Variants in DCC observed in about 807,000 individuals in gnomAD.
The protein encoded by DCC is netrin receptor DCC.
A neutral mutation model predicts 172.5 loss-of-function variants in DCC; 58 were observed. The observed-to-expected ratio is 0.34, with a 90% CI of 0.27 to 0.42. DCC has a LOEUF of 0.42. Among genes scored for constraint, DCC ranks in the 10% least tolerant of loss-of-function variants. DCC has a pLI of 1.00. For missense variants in DCC, 1,740 were observed against 1,791.0 expected, an observed-to-expected ratio of 0.97 and a Z score of 0.51; for synonymous variants, 709 against 644.5, an observed-to-expected ratio of 1.10 and a Z score of -1.52.
rs112765965 is a variant in DCC, at chr18:53,100,387, G to T, written c.1261+34221G>T. ...TAAGATAATAGTTCTAATTAAAGAA[G>T]AATTTTTAGCAACCTCTTAGTTTCA... On this transcript the variant is annotated intron_variant, in intron 7 of 28. Transcript: ENST00000442544. Among the ~76,000 whole-genome samples, 1,194 of 152,126 alleles carry T rather than the reference G, an allele frequency of 7.8e-3. 17 individuals carry two copies. The highest frequency in any genetic ancestry group is 0.027 in the African/African-American group (1,112 of 41,482).
chr18:53,294,792 C>T (rs1214226018), intron 12 of DCC, among the ~76,000 whole-genome samples: 2 of 152,094 alleles, frequency 1.3e-5, no homozygotes, highest in Admixed American at 1.3e-4. Flanking sequence ...TTTACATAAC[C>T]AGGGAAAGGA....
At chr18:53,226,948 A>ATTTTTTTTTT (rs397976119) in intron 12 of DCC, among the ~76,000 whole-genome samples, 5 of 52,950 alleles carry the variant, frequency 9.4e-5, no homozygotes, top group South Asian at 3.5e-4. Flanking sequence ...ATATATATAT[A>ATTTTTTTTTT]TTTTTTTTTT....
intron 7 of DCC, among the ~76,000 whole-genome samples, chr18:53,136,939 A>G (rs2043751980): frequency 6.6e-6 from 1 of 152,198 alleles, no homozygotes; most frequent in South Asian, 2.1e-4. Context: ...GATTATATCC[A>G]TGATATATAT....
intron 10 of DCC, 69 bp downstream of exon 10, chr18:53,205,433 C>T: frequency 6.7e-7 from 1 of 1,487,820 alleles, no homozygotes; most frequent in Non-Finnish European, 9.4e-7. Flanking sequence ...AGCTCTAGGG[C>T]TGGAGAAATA....
intron 1 of DCC, among the ~76,000 whole-genome samples, chr18:52,390,952 A>G (rs900802874): frequency 5.9e-5 from 9 of 152,084 alleles, no homozygotes; most frequent in Non-Finnish European, 1.0e-4. Context: ...CTCCATTACC[A>G]AAAGTCTTAT....
chr18:53,385,625 A>T (rs1256913907), intron 15 of DCC, among the ~76,000 whole-genome samples: 1 of 152,224 alleles, frequency 6.6e-6, no homozygotes, highest in Non-Finnish European at 1.5e-5. Context: ...TGTGCTTTCC[A>T]GCATTAGCTG....
At chr18:53,461,171 C>A (rs1485726087) in intron 24 of DCC, among the ~76,000 whole-genome samples, 2 of 152,104 alleles carry the variant, frequency 1.3e-5, no homozygotes, top group Non-Finnish European at 2.9e-5. Flanking sequence ...ATTGTAGATT[C>A]TGGATATTAG....
chr18:53,162,363 A>T (rs4380114), intron 8 of DCC, among the ~76,000 whole-genome samples: 27 of 151,290 alleles, frequency 1.8e-4, no homozygotes, highest in African/African-American at 5.3e-4. Context: ...CTTCTTACCC[A>T]CTTCTTAAGT....
intron 7 of DCC, among the ~76,000 whole-genome samples, chr18:53,152,533 C>T (rs2054657701): frequency 6.6e-6 from 1 of 151,750 alleles, no homozygotes; most frequent in Non-Finnish European, 1.5e-5. Flanking sequence ...AATTATCACC[C>T]TTTCCTGGAT....
chr18:52,825,935 G>A (rs1186819702), intron 2 of DCC, among the ~76,000 whole-genome samples: 2 of 152,156 alleles, frequency 1.3e-5, no homozygotes, highest in East Asian at 1.9e-4. Context: ...CCTGAGGGGG[G>A]GAAAAACAGC....
chr18:52,789,580 T>A (rs2037722068), intron 2 of DCC, among the ~76,000 whole-genome samples: 1 of 152,216 alleles, frequency 6.6e-6, no homozygotes, highest in Non-Finnish European at 1.5e-5. Flanking sequence ...TTTCAGCTTT[T>A]GAACTTTATA....
intron 5 of DCC, among the ~76,000 whole-genome samples, chr18:52,949,122 C>T (rs140080516): frequency 6.6e-6 from 1 of 152,276 alleles, no homozygotes; most frequent in African/African-American, 2.4e-5. Context: ...TAGTCCCTGC[C>T]CTGCACAAGT....
intron 15 of DCC, among the ~76,000 whole-genome samples, chr18:53,373,894 G>A (rs959197679): frequency 5.9e-5 from 9 of 152,098 alleles, no homozygotes; most frequent in Admixed American, 2.0e-4. Flanking sequence ...TGTGATATAT[G>A]TATGCAAACT....
At chr18:53,230,903 T>G (rs1207578276) in intron 12 of DCC, among the ~76,000 whole-genome samples, 2 of 152,096 alleles carry the variant, frequency 1.3e-5, no homozygotes, top group African/African-American at 4.8e-5. Context: ...TGTAAGTCTG[T>G]GACATCATGC....
chr18:52,439,178 G>T (rs930075704), intron 1 of DCC, among the ~76,000 whole-genome samples: 1 of 149,400 alleles, frequency 6.7e-6, no homozygotes, highest in Admixed American at 6.7e-5. Flanking sequence ...TATGTTTTGT[G>T]TGTGTGTGTG....
At chr18:53,324,524 A>G (rs2057446375) in intron 14 of DCC, among the ~76,000 whole-genome samples, 1 of 152,114 alleles carries the variant, frequency 6.6e-6, no homozygotes, top group South Asian at 2.1e-4. Context: ...AACTGAGAAA[A>G]TCTTTCTGTT....
chr18:53,050,313 A>G (rs1003104927), intron 5 of DCC, among the ~76,000 whole-genome samples: 2 of 152,056 alleles, frequency 1.3e-5, no homozygotes, highest in East Asian at 1.9e-4. Flanking sequence ...ACCCGGAAAC[A>G]ATATTTTTTG....
chr18:52,543,361 G>T (rs548202525), intron 1 of DCC, among the ~76,000 whole-genome samples: 1 of 151,968 alleles, frequency 6.6e-6, no homozygotes, highest in East Asian at 1.9e-4. Flanking sequence ...AAAATTCAGG[G>T]TGTATTTTAC....
intron 1 of DCC, among the ~76,000 whole-genome samples, chr18:52,595,155 A>G (rs2033881660): frequency 6.6e-6 from 1 of 152,186 alleles, no homozygotes; most frequent in Non-Finnish European, 1.5e-5. Context: ...TCCTGGAAGG[A>G]TGAGCAAATT....
Sources: allele counts gnomAD v4.1 joint callset (sites outside exome capture counted in the v4.1 genomes callset), GRCh38; gene constraint gnomAD v4.1.1; transcripts MANE v1.5; gene names NCBI Gene and HGNC (gene_info 2026-07-23, HGNC 2026-07-21).